The following KCNK9 variants were observed in gnomAD, a reference collection of about 807,000 sequenced individuals.
KCNK9 encodes potassium channel subfamily K member 9.
Under a neutral mutation model 10.8 loss-of-function variants are expected in KCNK9, and 1 was observed. The ratio of observed to expected loss-of-function variants is 0.09; its 90% CI spans 0.03 to 0.44. The LOEUF (loss-of-function observed/expected upper bound fraction) is 0.44. KCNK9 is among the 20% of genes least tolerant of loss of function. The pLI is 0.97. For missense variants in KCNK9, 303 were observed against 515.0 expected (o/e 0.59, Z 3.98); for synonymous variants, 231 against 222.7 (o/e 1.04, Z -0.33).
At chr8:139,687,491 C>T (rs191572951) in intron 1 of KCNK9, among the ~76,000 whole-genome samples, 1,015 of 31,938 alleles carry the variant, frequency 0.032, 309 homozygotes, top group African/African-American at 0.037. Context: ...TACATATATA[C>T]ACATATATAC....
intron 1 of KCNK9, among the ~76,000 whole-genome samples, chr8:139,672,104 C>T (rs573087590): frequency 2.7e-4 from 41 of 152,324 alleles, no homozygotes; most frequent in Admixed American, 1.9e-3. Context: ...CAGCCACTCA[C>T]GGCAGGGGCT....
At chr8:139,625,991 C>G (rs1017176918) in intron 1 of KCNK9, among the ~76,000 whole-genome samples, 3 of 152,182 alleles carry the variant, frequency 2.0e-5, no homozygotes, top group African/African-American at 7.2e-5. Flanking sequence ...ATACTCTAAG[C>G]ACATGGGACA....
At chr8:139,622,057 G>C (rs1411743679) in intron 1 of KCNK9, among the ~76,000 whole-genome samples, 1 of 152,164 alleles carries the variant, frequency 6.6e-6, no homozygotes, top group African/African-American at 2.4e-5. Context: ...GGTATGTCCT[G>C]TCTCAGGCTT....
At chr8:139,604,767 G>T (rs1460690363) in intron 2 of KCNK9, among the ~76,000 whole-genome samples, 1 of 152,140 alleles carries the variant, frequency 6.6e-6, no homozygotes, top group Non-Finnish European at 1.5e-5. Context: ...TGAGCCCTGG[G>T]TAGGCCCTGG....
intron 1 of KCNK9, among the ~76,000 whole-genome samples, chr8:139,679,179 G>A (rs1816629186): frequency 6.6e-6 from 1 of 152,200 alleles, no homozygotes; most frequent in African/African-American, 2.4e-5. Flanking sequence ...GTGGCCACGT[G>A]ACCCACTTCC....
At chr8:139,620,700 C>A (rs532937451) in intron 1 of KCNK9, among the ~76,000 whole-genome samples, 57 of 152,318 alleles carry the variant, frequency 3.7e-4, no homozygotes, top group Admixed American at 8.5e-4. Context: ...GGCCTTCCCC[C>A]CATCCTCTCT....
At chr8:139,611,110 T>A (rs1814409983), downstream of KCNK9, among the ~76,000 whole-genome samples, 1 of 152,236 alleles carries the variant, frequency 6.6e-6, no homozygotes, top group Admixed American at 6.5e-5. Context: ...TGATTTCAAG[T>A]CCAATGCCCC....
intron 1 of KCNK9, among the ~76,000 whole-genome samples, chr8:139,670,020 C>A (rs1271728655): frequency 6.6e-6 from 1 of 152,196 alleles, no homozygotes; most frequent in South Asian, 2.1e-4. Flanking sequence ...AAAGGAATCT[C>A]TTTTTCTGAG....
chr8:139,619,821 T>C (rs957494857), intron 1 of KCNK9, among the ~76,000 whole-genome samples: 1 of 152,230 alleles, frequency 6.6e-6, no homozygotes, highest in Non-Finnish European at 1.5e-5. Context: ...CACAAATGCA[T>C]ACTTTTAAAA....
chr8:139,644,192 C>A (rs1586658097), intron 1 of KCNK9, among the ~76,000 whole-genome samples: 1 of 152,142 alleles, frequency 6.6e-6, no homozygotes, highest in Non-Finnish European at 1.5e-5. Flanking sequence ...AACCAGTGTC[C>A]GCAGCTTGTA....
chr8:139,671,271 C>A (rs1816419852), intron 1 of KCNK9, among the ~76,000 whole-genome samples: 1 of 152,194 alleles, frequency 6.6e-6, no homozygotes, highest in East Asian at 1.9e-4. Context: ...CTGGCTCAGC[C>A]CCCATCACTC....
downstream of KCNK9, among the ~76,000 whole-genome samples, chr8:139,615,374 G>C (rs1814554007): frequency 6.6e-6 from 1 of 152,238 alleles, no homozygotes; most frequent in East Asian, 1.9e-4. Flanking sequence ...TAGGAGTTGG[G>C]CATCTCTGTT....
chr8:139,694,017 C>G (rs909771963), intron 1 of KCNK9, among the ~76,000 whole-genome samples: 1 of 152,142 alleles, frequency 6.6e-6, no homozygotes, highest in African/African-American at 2.4e-5. Flanking sequence ...CCCCCAAAGC[C>G]CCCGGCTTGA....
chr8:139,682,290 C>G (rs1023230139), intron 1 of KCNK9, among the ~76,000 whole-genome samples: 43 of 152,208 alleles, frequency 2.8e-4, no homozygotes, highest in African/African-American at 1.0e-3. Flanking sequence ...GGAGGGCCTG[C>G]TTAGTGCCAG....
intron 1 of KCNK9, among the ~76,000 whole-genome samples, chr8:139,630,396 C>T (rs574350553): frequency 1.3e-5 from 2 of 152,190 alleles, no homozygotes; most frequent in South Asian, 4.1e-4. Context: ...GCTCTGCCGC[C>T]GCCGCCGCCC....
chr8:139,652,963 G>A (rs779289836), intron 1 of KCNK9, among the ~76,000 whole-genome samples: 1 of 152,198 alleles, frequency 6.6e-6, no homozygotes, highest in Non-Finnish European at 1.5e-5. Flanking sequence ...AGGGGCTGAT[G>A]CACGTACAAG....
At chr8:139,661,866 G>A (rs982406978) in intron 1 of KCNK9, among the ~76,000 whole-genome samples, 1 of 152,246 alleles carries the variant, frequency 6.6e-6, no homozygotes, top group Non-Finnish European at 1.5e-5. Context: ...CCTAGCCCCA[G>A]GAGGTGAATA....
intron 1 of KCNK9, among the ~76,000 whole-genome samples, chr8:139,701,890 C>T (rs372152155): frequency 2.6e-5 from 4 of 152,320 alleles, no homozygotes; most frequent in African/African-American, 9.6e-5. Context: ...GTGGGGCTGG[C>T]GGGCATCCCT....
downstream of KCNK9, chr8:139,611,641 TC>T (rs1814427427): frequency 6.6e-6 from 1 of 152,194 alleles, no homozygotes; most frequent in African/African-American, 2.4e-5. Context: ...ACAAGTATGC[TC>T]CCATAGTCTG....
Sources: gnomAD v4.1 joint callset for allele counts (sites outside exome capture counted in the v4.1 genomes callset) on GRCh38, gnomAD v4.1.1 for gene constraint, MANE v1.5 for transcripts, NCBI Gene and HGNC (gene_info 2026-07-23, HGNC 2026-07-21) for gene names.